Variants in NEDD4 observed in about 807,000 individuals in gnomAD.
The protein encoded by NEDD4 is E3 ubiquitin-protein ligase NEDD4.
Under a neutral mutation model 144.9 loss-of-function variants are expected in NEDD4, and 99 were observed. The observed-to-expected ratio is 0.68, with a 90% CI of 0.58 to 0.81. The LOEUF (loss-of-function observed/expected upper bound fraction) is 0.81, where lower values mean the gene tolerates loss of function less well. NEDD4 is among the 30% of genes least tolerant of loss of function. NEDD4 has a pLI of 0.00. For missense variants in NEDD4, 985 were observed against 1,065.9 expected, an observed-to-expected ratio of 0.92 and a Z score of 1.06; for synonymous variants, 318 against 350.6, an observed-to-expected ratio of 0.91 and a Z score of 1.04.
Position 55,842,152 on chromosome 15 carries a change from T to C in NEDD4, c.1620A>G (p.Pro540=), listed in dbSNP as rs1446179765. 1 of 1,614,116 alleles carries C rather than the reference T, an allele frequency of 6.2e-7. No individual in the cohort carries two copies. Among genetic ancestry groups the C allele is most frequent in the Non-Finnish European group, 8.5e-7 (1 of 1,179,954 alleles). ...GGCGAAGTTTCATTTCAAATTTGTT[T>C]GGAATGTCATTCTGAAAATCCAGAG... ...RRKLKKQNDI[P]NKFEMKLRRA... The change falls in exon 19 of 29, where the codon CCA becomes CCG. Residue 540 remains proline, a synonymous_variant. Coordinates refer to ENST00000435532, the MANE Select transcript of NEDD4 (RefSeq NM_006154.4).
intron 4 of NEDD4, among the ~76,000 whole-genome samples, chr15:55,927,275 G>A (rs377276334): frequency 1.4e-4 from 22 of 151,914 alleles, no homozygotes; most frequent in East Asian, 7.7e-4. Flanking sequence ...GGGGCAGAAT[G>A]AGCGTGCTCT....
intron 2 of NEDD4, among the ~76,000 whole-genome samples, chr15:55,952,302 C>T (rs2037256023): frequency 6.6e-6 from 1 of 151,996 alleles, no homozygotes; most frequent in South Asian, 2.1e-4. Context: ...CCACTGCACT[C>T]AAGCCTGGGC....
chr15:55,888,708 A>G (rs1453497168), intron 5 of NEDD4, among the ~76,000 whole-genome samples: 1 of 152,232 alleles, frequency 6.6e-6, no homozygotes, highest in Non-Finnish European at 1.5e-5. Flanking sequence ...AAATTACATT[A>G]CAAAGCTATT....
intron 2 of NEDD4, among the ~76,000 whole-genome samples, chr15:55,958,066 T>C (rs561300187): frequency 6.6e-5 from 10 of 152,302 alleles, no homozygotes; most frequent in African/African-American, 1.9e-4. Context: ...TATGTATACA[T>C]GTGTAACAAA....
chr15:55,979,279 T>C (rs1245904526), intron 1 of NEDD4, among the ~76,000 whole-genome samples: 2 of 151,066 alleles, frequency 1.3e-5, no homozygotes, highest in Non-Finnish European at 2.9e-5. Flanking sequence ...ACAGAAAGAT[T>C]AGAAGGAAAT....
intron 1 of NEDD4, among the ~76,000 whole-genome samples, chr15:55,981,551 C>G (rs2037804365): frequency 6.6e-6 from 1 of 152,096 alleles, no homozygotes; most frequent in Admixed American, 6.6e-5. Flanking sequence ...TTAGAAGTGT[C>G]CTTGTAAAGC....
At chr15:55,915,518 T>C (rs1470006116) in intron 5 of NEDD4, 4 of 1,613,828 alleles carry the variant, frequency 2.5e-6, no homozygotes, top group Non-Finnish European at 3.4e-6. Context: ...GTCTTTCCAA[T>C]TCTCCATTGA....
At chr15:55,832,340 T>G (rs779891166) in intron 27 of NEDD4, among the ~76,000 whole-genome samples, 2 of 152,206 alleles carry the variant, frequency 1.3e-5, no homozygotes, top group Non-Finnish European at 1.5e-5. Flanking sequence ...GACTCTGTTT[T>G]TATTTTTTTA....
intron 13 of NEDD4, 142 bp downstream of exon 13, chr15:55,852,282 T>C: frequency 1.1e-6 from 1 of 921,460 alleles, no homozygotes; most frequent in Non-Finnish European, 1.5e-6. Flanking sequence ...GCGACAATAC[T>C]GAGACTCCAT....
At position 55,830,481 on chromosome 15, in the gene NEDD4, C is replaced by T. The variant is rs758980770; in HGVS notation, c.2600+33G>A. 84 of 1,587,034 alleles carry T rather than the reference C, an allele frequency of 5.3e-5. 1 individual carries two copies. The Middle Eastern group carries it at 6.6e-4, about 13-fold the overall frequency. ...AACAGAGGAATCTCACTCTCTGAGG[C>T]TTTGTTCTATCAAGGTCCAAACAAC... On this transcript the variant is annotated intron_variant, in intron 28 of 28. Transcript: ENST00000435532.
intron 1 of NEDD4, among the ~76,000 whole-genome samples, chr15:55,972,822 A>G (rs1294198674): frequency 6.6e-6 from 1 of 152,220 alleles, no homozygotes; most frequent in Non-Finnish European, 1.5e-5. Flanking sequence ...TGAAAACCAA[A>G]AAGAGCAGGA....
At chr15:55,917,452 T>C (rs750229915) in intron 5 of NEDD4, among the ~76,000 whole-genome samples, 3 of 144,786 alleles carry the variant, frequency 2.1e-5, no homozygotes, top group Non-Finnish European at 4.6e-5. Flanking sequence ...TTAGTTAATA[T>C]AGGGACTGTT....
intron 5 of NEDD4, among the ~76,000 whole-genome samples, chr15:55,923,295 C>T (rs2036602778): frequency 6.6e-6 from 1 of 152,146 alleles, no homozygotes; most frequent in Non-Finnish European, 1.5e-5. Flanking sequence ...AAACAAATAG[C>T]TCTGTAACTA....
At chr15:55,902,483 T>G (rs1335862456) in intron 5 of NEDD4, among the ~76,000 whole-genome samples, 1 of 152,190 alleles carries the variant, frequency 6.6e-6, no homozygotes, top group Non-Finnish European at 1.5e-5. Context: ...AATATGTATT[T>G]TTTAAAAAAG....
At chr15:55,975,657 C>T (rs2037686769) in intron 1 of NEDD4, among the ~76,000 whole-genome samples, 2 of 151,948 alleles carry the variant, frequency 1.3e-5, no homozygotes, top group Non-Finnish European at 2.9e-5. Context: ...GAAAAATATT[C>T]CATGTTCATG....
intron 5 of NEDD4, among the ~76,000 whole-genome samples, chr15:55,893,511 T>A (rs1389665964): frequency 6.6e-6 from 1 of 151,986 alleles, no homozygotes; most frequent in East Asian, 1.9e-4. Flanking sequence ...AATTAAAAAC[T>A]TGAATTGAAA....
At chr15:55,983,313 T>C (rs1049843372) in intron 1 of NEDD4, among the ~76,000 whole-genome samples, 6 of 139,058 alleles carry the variant, frequency 4.3e-5, no homozygotes, top group South Asian at 4.5e-4. Context: ...TGCGCGCGCG[T>C]GCGTGCATTT....
chr15:55,961,159 G>T (rs2037419572), intron 2 of NEDD4, among the ~76,000 whole-genome samples: 2 of 152,108 alleles, frequency 1.3e-5, no homozygotes, highest in African/African-American at 4.8e-5. Context: ...GGGACATCTG[G>T]TCATAGGTCA....
rs140402189 is a variant in NEDD4, at chr15:55,858,845, C to T, written c.960+1562G>A. On this transcript the variant is annotated intron_variant, in intron 11 of 28. Transcript: ENST00000435532. ...CAGACAGTAAATACTGGCTGTGGGC[C>T]ATATGGTTGCTGCTGTAACTACTTT... Among the ~76,000 whole-genome samples, 1,180 of 152,280 alleles carry T rather than the reference C, an allele frequency of 7.7e-3. 23 individuals carry two copies. Among genetic ancestry groups the T allele is most frequent in the African/African-American group, 0.027 (1,131 of 41,534 alleles).
Sources: allele counts gnomAD v4.1 joint callset (sites outside exome capture counted in the v4.1 genomes callset), GRCh38; gene constraint gnomAD v4.1.1; transcripts MANE v1.5; gene names NCBI Gene and HGNC (gene_info 2026-07-23, HGNC 2026-07-21).